The following NEMP1 variants were observed in gnomAD, a reference collection of about 807,000 sequenced individuals.
The protein encoded by NEMP1 is nuclear envelope integral membrane protein 1.
Under a neutral mutation model 53.7 loss-of-function variants are expected in NEMP1, and 29 were observed. That is an observed-to-expected ratio of 0.54 (90% CI 0.40 to 0.74). The LOEUF is 0.74. Among genes scored for constraint, NEMP1 ranks in the 30% least tolerant of loss-of-function variants. The probability of loss-of-function intolerance (pLI) is 0.00; values close to 1 mark genes in which losing one functional copy is unlikely to be tolerated. For missense variants in NEMP1, 477 were observed against 528.6 expected (o/e 0.90, Z 0.96); for synonymous variants, 193 against 192.9 (o/e 1.00, Z 0.00).
intron 1 of NEMP1, among the ~76,000 whole-genome samples, chr12:57,077,846 G>A (rs905326036): frequency 2.0e-5 from 3 of 152,074 alleles, no homozygotes; most frequent in African/African-American, 7.2e-5. Flanking sequence ...ACTTTGGGAG[G>A]GCCAAGGCGG....
In NEMP1 at chr12:57,058,482, G is replaced by A. The variant is rs1480650645; in HGVS notation, c.*1397C>T. The A allele has an allele frequency of 6.6e-6, 1 of 152,190 alleles. No homozygotes were observed. Among genetic ancestry groups the A allele is most frequent in the Admixed American group, 6.5e-5 (1 of 15,274 alleles). The allele number at this position is 152,190 out of a possible 1,614,324, so 9.4% of individuals were successfully genotyped here. A position where few individuals can be genotyped will look rare whatever the true frequency, so the allele number is the denominator to read the frequency against. ...GAAGACCACAAAGAAAAAGAACCAA[G>A]TAAATGACAGACACTTGAGAATTTG... is the stretch of plus-strand genomic sequence containing the variant. On this transcript the variant is annotated 3_prime_UTR_variant, in exon 9 of 9. Transcript: ENST00000300128.
chr12:57,079,145 C>G (rs1181328265), upstream of NEMP1, among the ~76,000 whole-genome samples: 1 of 152,176 alleles, frequency 6.6e-6, no homozygotes, highest in Non-Finnish European at 1.5e-5. Flanking sequence ...CTTCCGTTTT[C>G]TTTCGGTTAC....
chr12:57,060,676 G>A (rs778566889), intron 8 of NEMP1, 96 bp downstream of exon 8: 4 of 1,295,584 alleles, frequency 3.1e-6, no homozygotes, highest in East Asian at 2.4e-5. Flanking sequence ...GGAAAACAAA[G>A]GTCACAAGTG....
chr12:57,063,507 T>C (rs2031923900), intron 6 of NEMP1, among the ~76,000 whole-genome samples, 163 bp from the exon 7 acceptor site: 1 of 152,220 alleles, frequency 6.6e-6, no homozygotes, highest in Admixed American at 6.5e-5. Context: ...TTTCTCTAAG[T>C]TTCTATCCTT....
At chr12:57,064,991 T>C (rs1225728188) in intron 4 of NEMP1, among the ~76,000 whole-genome samples, 4 of 152,210 alleles carry the variant, frequency 2.6e-5, no homozygotes, top group African/African-American at 9.6e-5. Context: ...TTATAGTATA[T>C]TAAGTGTACA....
upstream of NEMP1, among the ~76,000 whole-genome samples, chr12:57,088,511 ACTG>A (rs2136538381): frequency 6.6e-6 from 1 of 152,318 alleles, no homozygotes; most frequent in African/African-American, 2.4e-5. Flanking sequence ...TTCCCGGCTC[ACTG>A]CTAACATTCA....
At chr12:57,081,346 C>T (rs745335648), upstream of NEMP1, among the ~76,000 whole-genome samples, 9 of 152,010 alleles carry the variant, frequency 5.9e-5, no homozygotes, top group Non-Finnish European at 1.2e-4. Flanking sequence ...CAGGTTCAAG[C>T]GATTCTCCTG....
At chr12:57,078,023 A>T (rs1214487016) in intron 1 of NEMP1, among the ~76,000 whole-genome samples, 9 of 152,196 alleles carry the variant, frequency 5.9e-5, no homozygotes, top group Admixed American at 1.3e-4. Context: ...CGGAGGTTGC[A>T]GTGAGCGAGA....
chr12:57,076,038 A>T (rs1026703205), intron 1 of NEMP1, among the ~76,000 whole-genome samples: 82 of 152,278 alleles, frequency 5.4e-4, no homozygotes, highest in African/African-American at 1.8e-3. Flanking sequence ...TAGGTGGCCG[A>T]GATGGCACCA....
Position 57,056,664 on chromosome 12 carries a change from C to G in NEMP1, c.*3215G>C, listed in dbSNP as rs1055167694. On this transcript the variant is annotated 3_prime_UTR_variant, in exon 9 of 9. Transcript: ENST00000300128. ...ATTTTTACGTAGGCATCCATCTGAG[C>G]CCATCTTGTTTTTTTTTTCTAAAAC... 1.3e-5 allele frequency: 2 copies of G among 152,112 alleles called. No homozygotes were observed. Among genetic ancestry groups the G allele is most frequent in the Admixed American group, 1.3e-4 (2 of 15,264 alleles). The allele number at this position is 152,112 out of a possible 1,614,324, so 9.4% of individuals were successfully genotyped here.
intron 1 of NEMP1, among the ~76,000 whole-genome samples, chr12:57,075,787 C>G (rs1300021098): frequency 6.6e-6 from 1 of 151,190 alleles, no homozygotes; most frequent in African/African-American, 2.4e-5. Context: ...GCCAACATGG[C>G]GAAATCCCAC....
intron 1 of NEMP1, among the ~76,000 whole-genome samples, chr12:57,073,667 T>C (rs775867892): frequency 6.6e-6 from 1 of 152,008 alleles, no homozygotes; most frequent in Non-Finnish European, 1.5e-5. Flanking sequence ...AATAAATACA[T>C]AAATAAAAGA....
chr12:57,081,416 T>C (rs573590314), upstream of NEMP1, among the ~76,000 whole-genome samples: 36 of 152,064 alleles, frequency 2.4e-4, no homozygotes, highest in African/African-American at 8.4e-4. Flanking sequence ...GCTAATTTCA[T>C]ATTTTTAGTA....
chr12:57,066,226 G>A (rs1362668819), intron 4 of NEMP1, among the ~76,000 whole-genome samples: 1 of 152,148 alleles, frequency 6.6e-6, no homozygotes, highest in African/African-American at 2.4e-5. Flanking sequence ...CTGCACTCCA[G>A]CCTGGGCAAG....
At chr12:57,076,654 A>G (rs2032635945) in intron 1 of NEMP1, among the ~76,000 whole-genome samples, 1 of 151,932 alleles carries the variant, frequency 6.6e-6, no homozygotes, top group South Asian at 2.1e-4. Flanking sequence ...AAAAATACAA[A>G]AAGTTAGCCA....
intron 1 of NEMP1, among the ~76,000 whole-genome samples, chr12:57,078,017 G>A (rs1402683424): frequency 6.6e-6 from 1 of 152,110 alleles, no homozygotes; most frequent in Non-Finnish European, 1.5e-5. Context: ...AGGAGGCGGA[G>A]GTTGCAGTGA....
intron 1 of NEMP1, among the ~76,000 whole-genome samples, chr12:57,075,186 A>G (rs1438652114): frequency 6.6e-6 from 1 of 151,756 alleles, no homozygotes; most frequent in African/African-American, 2.4e-5. Flanking sequence ...GCAGATTGAA[A>G]CCATCCTGGC....
chr12:57,086,465 G>A (rs2032995303), intron 1 of NEMP1, among the ~76,000 whole-genome samples: 1 of 152,088 alleles, frequency 6.6e-6, no homozygotes. Context: ...GGGGAGAACA[G>A]GTCCCATGCA....
In NEMP1 at chr12:57,078,779, T is replaced by C; in HGVS notation, c.-34A>G. 6.3e-7 allele frequency: 1 copy of C among 1,591,146 alleles called. No homozygotes were observed. The highest frequency in any genetic ancestry group is 8.6e-7 in the Non-Finnish European group (1 of 1,165,538). The stretch of plus-strand genomic sequence containing the variant: ...CAAGCCACCTCCTCCTCACGTGCCT[T>C]ACCCCAGCAACTAACTCCGAACGGG... On this transcript the variant is annotated 5_prime_UTR_variant, in exon 1 of 9. Coordinates refer to ENST00000300128, the MANE Select transcript of NEMP1 (RefSeq NM_001130963.2).
Sources: allele counts gnomAD v4.1 joint callset (sites outside exome capture counted in the v4.1 genomes callset), GRCh38; gene constraint gnomAD v4.1.1; transcripts MANE v1.5; gene names NCBI Gene and HGNC (gene_info 2026-07-23, HGNC 2026-07-21).